Variants in PARM1 observed in about 807,000 individuals in gnomAD.
PARM1 encodes prostate androgen-regulated mucin-like protein 1, also known as WSC4, cell wall integrity and stress response component 4 homolog.
A neutral mutation model predicts 24.6 loss-of-function variants in PARM1; 14 were observed. The ratio of observed to expected loss-of-function variants is 0.57; its 90% CI spans 0.38 to 0.89. The LOEUF (loss-of-function observed/expected upper bound fraction) is 0.89, where lower values mean the gene tolerates loss of function less well. Ranked by LOEUF, PARM1 falls within the 40% of genes least tolerant of loss-of-function variation. The pLI is 0.00. For missense variants in PARM1, 362 were observed against 380.4 expected (o/e 0.95, Z 0.40); for synonymous variants, 179 against 156.6 (o/e 1.14, Z -1.07).
chr4:74,981,433 A>G (rs956875644), intron 1 of PARM1, among the ~76,000 whole-genome samples: 11 of 152,238 alleles, frequency 7.2e-5, no homozygotes, highest in African/African-American at 2.4e-4. Flanking sequence ...ATGAGATACA[A>G]TCTCACGCCA....
intron 1 of PARM1, among the ~76,000 whole-genome samples, chr4:74,998,680 T>C (rs1290830708): frequency 6.6e-6 from 1 of 152,222 alleles, no homozygotes; most frequent in African/African-American, 2.4e-5. Flanking sequence ...TATCCCAGCT[T>C]AGCTTTATGC....
intron 1 of PARM1, among the ~76,000 whole-genome samples, chr4:75,008,956 A>G (rs1722820675): frequency 1.3e-5 from 2 of 151,888 alleles, no homozygotes; most frequent in South Asian, 4.2e-4. Context: ...ATCTTCAATC[A>G]GCCATGACAG....
At chr4:75,014,036 G>A (rs544222110) in intron 2 of PARM1, among the ~76,000 whole-genome samples, 3 of 152,284 alleles carry the variant, frequency 2.0e-5, no homozygotes, top group African/African-American at 7.2e-5. Context: ...GGGGGAAATG[G>A]AGCTGCAGCC....
At chr4:74,938,413 C>T (rs1022082142) in intron 1 of PARM1, among the ~76,000 whole-genome samples, 5 of 152,166 alleles carry the variant, frequency 3.3e-5, no homozygotes, top group African/African-American at 1.2e-4. Context: ...AAATTGGGCA[C>T]ATTAGTTTAT....
chr4:75,008,923 ATT>A (rs58243200), intron 1 of PARM1, among the ~76,000 whole-genome samples: 64 of 146,436 alleles, frequency 4.4e-4, no homozygotes, highest in African/African-American at 1.1e-3. Context: ...AAATGGTGTC[ATT>A]TTTTTTTTTT....
chr4:74,983,695 C>T (rs1383364783), intron 1 of PARM1, among the ~76,000 whole-genome samples: 1 of 152,120 alleles, frequency 6.6e-6, no homozygotes, highest in East Asian at 1.9e-4. Context: ...GAGAATTTAC[C>T]TTCTTAACCA....
At chr4:74,996,527 C>CTAGTG (rs1722579516) in intron 1 of PARM1, among the ~76,000 whole-genome samples, 1 of 151,168 alleles carries the variant, frequency 6.6e-6, no homozygotes, top group Non-Finnish European at 1.5e-5. Context: ...GTAGATTGAC[C>CTAGTG]TATTGAATTT....
At chr4:74,956,415 A>G (rs1721635293) in intron 1 of PARM1, 2 of 152,214 alleles carry the variant, frequency 1.3e-5, no homozygotes, top group Non-Finnish European at 2.9e-5. Context: ...ATAGTAAGAT[A>G]AACTATATTC....
At chr4:74,977,836 C>T (rs192074719) in intron 1 of PARM1, among the ~76,000 whole-genome samples, 17 of 152,210 alleles carry the variant, frequency 1.1e-4, no homozygotes, top group African/African-American at 4.1e-4. Flanking sequence ...GAAAGAATTT[C>T]CAACCCAGAA....
intron 1 of PARM1, among the ~76,000 whole-genome samples, chr4:74,949,652 T>G (rs1484486819): frequency 1.3e-5 from 2 of 152,296 alleles, no homozygotes; most frequent in African/African-American, 4.8e-5. Context: ...AGTTCACTGT[T>G]TAACCTTTGA....
At chr4:74,967,175 A>G (rs1721922451) in intron 1 of PARM1, 1 of 152,204 alleles carries the variant, frequency 6.6e-6, no homozygotes. Flanking sequence ...ATTCACATTA[A>G]CATATTCAGG....
In PARM1 at chr4:74,933,239, G is replaced by T; in HGVS notation, c.-89G>T. 8.5e-7 allele frequency: 1 copy of T among 1,180,238 alleles called. No individual in the cohort carries two copies. 73.1% of individuals were successfully genotyped at this position (1,180,238 alleles called of 1,614,324 possible). ...GGCTCCCACCGCAGCCCACCCGGCA[G>T]AGGAGTCGCTACCAGCGCCCAGTGC... is the stretch of plus-strand genomic sequence containing the variant. On this transcript the variant is annotated 5_prime_UTR_variant, in exon 1 of 4. Transcript: ENST00000307428.
chr4:75,037,431 A>T (rs962855569), intron 3 of PARM1, among the ~76,000 whole-genome samples: 2 of 152,140 alleles, frequency 1.3e-5, no homozygotes, highest in Non-Finnish European at 1.5e-5. Context: ...CTCTGCTAAC[A>T]ATGGGTGGGG....
At chr4:74,933,431 T>C in intron 1 of PARM1, 61 bp downstream of exon 1, 1 of 1,454,314 alleles carries the variant, frequency 6.9e-7, no homozygotes, top group African/African-American at 1.4e-5. Flanking sequence ...AGCTAGCGCG[T>C]GGTCGGGGCT....
intron 2 of PARM1, among the ~76,000 whole-genome samples, chr4:75,032,521 A>C (rs555821020): frequency 2.6e-5 from 4 of 152,322 alleles, no homozygotes; most frequent in South Asian, 4.1e-4. Context: ...ATCTCCAAAA[A>C]TATGGGGGAG....
intron 1 of PARM1, among the ~76,000 whole-genome samples, chr4:74,935,690 G>T (rs1721167110): frequency 6.6e-6 from 1 of 152,172 alleles, no homozygotes; most frequent in South Asian, 2.1e-4. Flanking sequence ...AACAGCATTA[G>T]GCAGGGGCCT....
chr4:74,977,483 C>A (rs949179724), intron 1 of PARM1, among the ~76,000 whole-genome samples: 1 of 152,066 alleles, frequency 6.6e-6, no homozygotes, highest in African/African-American at 2.4e-5. Flanking sequence ...GCTGAACCTA[C>A]AACTAATGGG....
chr4:75,021,831 T>A (rs7680016), intron 2 of PARM1, among the ~76,000 whole-genome samples: 15,696 of 152,224 alleles, frequency 0.1, 1,048 homozygotes, highest in African/African-American at 0.19. Context: ...AGTGTATATA[T>A]ACCACATTTT....
intron 1 of PARM1, among the ~76,000 whole-genome samples, chr4:74,949,526 A>G (rs1175593867): frequency 1.3e-5 from 2 of 152,108 alleles, no homozygotes; most frequent in East Asian, 1.9e-4. Flanking sequence ...GTTAGCCAGG[A>G]TGGTCTCGAT....
Sources: allele counts gnomAD v4.1 joint callset (sites outside exome capture counted in the v4.1 genomes callset), GRCh38; gene constraint gnomAD v4.1.1; transcripts MANE v1.5; gene names NCBI Gene and HGNC (gene_info 2026-07-23, HGNC 2026-07-21).